Variants in SAMD3 observed in about 807,000 individuals in gnomAD.
SAMD3 encodes sterile alpha motif domain-containing protein 3.
Under a neutral mutation model 58.5 loss-of-function variants are expected in SAMD3, and 63 were observed. That is an observed-to-expected ratio of 1.08 (90% CI 0.88 to 1.33). The LOEUF is 1.33. Ranked by LOEUF, SAMD3 falls within the 40% of genes most tolerant of loss-of-function variation. The probability of loss-of-function intolerance (pLI) is 0.00; values close to 1 mark genes in which losing one functional copy is unlikely to be tolerated. For synonymous variants in SAMD3, 220 were observed against 210.3 expected (o/e 1.05, Z -0.40); for missense variants, 604 against 608.4 (o/e 0.99, Z 0.08).
chr6:130,362,023 G>A (rs775921150), intron 1 of SAMD3, among the ~76,000 whole-genome samples: 11 of 152,244 alleles, frequency 7.2e-5, no homozygotes, highest in South Asian at 2.1e-4. Flanking sequence ...CCGGCTGTTC[G>A]GGTCAAAGGC....
intron 8 of SAMD3, 25 bp from the exon 9 acceptor site, chr6:130,155,050 A>C: frequency 6.3e-7 from 1 of 1,580,742 alleles, no homozygotes; most frequent in South Asian, 1.1e-5. Flanking sequence ...CAACATATCA[A>C]TGGATTCCAT....
chr6:130,344,397 C>T (rs6936658), intron 1 of SAMD3, among the ~76,000 whole-genome samples: 36,145 of 151,904 alleles, frequency 0.24, 5,719 homozygotes, highest in African/African-American at 0.45. Context: ...TCTTTTTTTA[C>T]GGGGGACAGA....
intron 2 of SAMD3, among the ~76,000 whole-genome samples, chr6:130,304,011 CTT>C (rs1359637887): frequency 6.6e-6 from 1 of 152,022 alleles, no homozygotes; most frequent in African/African-American, 2.4e-5. Flanking sequence ...TAAATTCTAA[CTT>C]GAGTGTATAA....
chr6:130,213,495 C>G (rs897673618), intron 4 of SAMD3, among the ~76,000 whole-genome samples: 3 of 151,888 alleles, frequency 2.0e-5, no homozygotes, highest in South Asian at 2.1e-4. Flanking sequence ...CTATTATTAC[C>G]ACTCTAATCT....
At chr6:130,151,660 C>T (rs779013332) in intron 9 of SAMD3, among the ~76,000 whole-genome samples, 22 of 152,114 alleles carry the variant, frequency 1.4e-4, no homozygotes, top group Non-Finnish European at 2.4e-4. Context: ...AGCCTTGTCT[C>T]GAACTCCTGA....
intron 8 of SAMD3, chr6:130,162,312 T>G (rs913325969): frequency 1.4e-6 from 1 of 701,372 alleles, no homozygotes; most frequent in Middle Eastern, 2.3e-4. Context: ...TTTCTAAGTT[T>G]GATTTCAACA....
chr6:130,293,776 T>C (rs766118955), intron 2 of SAMD3, among the ~76,000 whole-genome samples: 5 of 151,808 alleles, frequency 3.3e-5, no homozygotes, highest in Non-Finnish European at 7.4e-5. Context: ...CACCACTTTA[T>C]GCTGAAAACT....
chr6:130,185,489 T>C lies in SAMD3; in HGVS notation c.384-866A>G, dbSNP rs1168132837. Reference sequence around the variant, plus strand: ...GACTACAGGCATGTGCCACCACACCTGGCTAATTTTTTGTATTTTAGTAGA... The same window carrying C: ...GACTACAGGCATGTGCCACCACACCCGGCTAATTTTTTGTATTTTAGTAGA... On this transcript the variant is annotated intron_variant, in intron 5 of 11. Coordinates refer to ENST00000439090, the MANE Select transcript of SAMD3 (RefSeq NM_001017373.4). Among the ~76,000 whole-genome samples, 5 of 147,402 alleles carry C rather than the reference T, an allele frequency of 3.4e-5. No individual in the cohort carries two copies. In the East Asian group the frequency reaches 1.0e-3, roughly 30 times the overall value.
chr6:130,236,069 CTAGT>C (rs753232047), intron 2 of SAMD3, among the ~76,000 whole-genome samples: 86 of 152,164 alleles, frequency 5.7e-4, no homozygotes, highest in African/African-American at 1.8e-3. Context: ...CAAGATGTTA[CTAGT>C]TAAAGATTAG....
Position 130,332,371 on chromosome 6 carries a change from C to CTA in SAMD3, c.-303-19280_-303-19279dup, listed in dbSNP as rs1386287228. On this transcript the variant is annotated intron_variant, in intron 1 of 13. Coordinates refer to the SAMD3 transcript ENST00000368134. ...TCAGATGGAAATGTCAAGAAAGCAT[C>CTA]TATATATATGAGTTTGGAGCAAAAG... Among the ~76,000 whole-genome samples, 3 of 152,072 alleles carry CTA rather than the reference C, an allele frequency of 2.0e-5. No individual in the cohort carries two copies. In the South Asian group the frequency reaches 6.2e-4, roughly 32 times the overall value.
chr6:130,164,085 G>GAA (rs60129721), intron 8 of SAMD3, among the ~76,000 whole-genome samples: 5,392 of 137,344 alleles, frequency 0.039, 343 homozygotes, highest in African/African-American at 0.13. Flanking sequence ...AAAGTAGGTT[G>GAA]AAAAAAAAAA....
intron 1 of SAMD3, among the ~76,000 whole-genome samples, chr6:130,316,308 A>AAAAG (rs1776369646): frequency 6.6e-6 from 1 of 150,982 alleles, no homozygotes; most frequent in African/African-American, 2.4e-5. Flanking sequence ...AAAAAAAAAA[A>AAAAG]AAAGAATGGA....
chr6:130,188,488 CGGCAAAGATGTG>C (rs1793213965), intron 5 of SAMD3, among the ~76,000 whole-genome samples: 1 of 152,146 alleles, frequency 6.6e-6, no homozygotes, highest in Non-Finnish European at 1.5e-5. Context: ...GATGTGGTCT[CGGCAAAGATGTG>C]GACACTTCAC....
At chr6:130,284,702 TC>T (rs201328534) in intron 2 of SAMD3, among the ~76,000 whole-genome samples, 77 of 152,150 alleles carry the variant, frequency 5.1e-4, no homozygotes, top group Non-Finnish European at 9.1e-4. Flanking sequence ...AGGTAAATAA[TC>T]AAAATTAGGC....
intron 2 of SAMD3, among the ~76,000 whole-genome samples, chr6:130,268,532 C>A (rs1479786703): frequency 6.6e-6 from 1 of 152,196 alleles, no homozygotes; most frequent in Non-Finnish European, 1.5e-5. Context: ...AGAGCAACTT[C>A]TAGCCTTGCA....
intron 5 of SAMD3, among the ~76,000 whole-genome samples, chr6:130,201,171 C>T (rs554200308): frequency 1.3e-5 from 2 of 152,214 alleles, no homozygotes; most frequent in Admixed American, 6.5e-5. Flanking sequence ...ATGGGTCTTC[C>T]TCCTTTCATT....
chr6:130,223,630 A>T (rs925348770), upstream of SAMD3, among the ~76,000 whole-genome samples: 1 of 152,136 alleles, frequency 6.6e-6, no homozygotes, highest in Admixed American at 6.6e-5. Context: ...AAGGTAGTGG[A>T]TCTTCTTAAT....
Position 130,307,194 on chromosome 6 carries a change from G to A in SAMD3, c.-188+5784C>T, listed in dbSNP as rs369023611. Among the ~76,000 whole-genome samples the A allele has an allele frequency of 1.5e-4, 23 of 152,342 alleles. 1 individual carries two copies. The South Asian group carries it at 3.9e-3, about 26-fold the overall frequency. ...AAAGAAGCATTCCCTAAATGTGAGA[G>A]ATTATACATGGGGTGAATGCAGTTG... On this transcript the variant is annotated intron_variant, in intron 2 of 13. Coordinates refer to the SAMD3 transcript ENST00000368134.
exon 1 of SAMD3, chr6:130,365,180 T>C (rs182187314): frequency 2.3e-4 from 231 of 985,448 alleles, no homozygotes; most frequent in Middle Eastern, 1.6e-3. Flanking sequence ...CGACATATTT[T>C]ACTCTGTGAA....
Sources: gnomAD v4.1 joint callset for allele counts (sites outside exome capture counted in the v4.1 genomes callset) on GRCh38, gnomAD v4.1.1 for gene constraint, MANE v1.5 for transcripts, NCBI Gene and HGNC (gene_info 2026-07-23, HGNC 2026-07-21) for gene names.